The following COL23A1 variants were observed in gnomAD, a reference collection of about 807,000 sequenced individuals.
COL23A1 encodes collagen alpha-1(XXIII) chain.
COL23A1 carries 97 observed loss-of-function variants against 99.3 expected under a neutral mutation model. The observed-to-expected ratio is 0.98, with a 90% confidence interval of 0.83 to 1.16. The LOEUF is 1.16. Among genes scored for constraint, COL23A1 ranks in the 50% most tolerant of loss-of-function variants. COL23A1 has a pLI of 0.00. For synonymous variants in COL23A1, 320 were observed against 308.2 expected (o/e 1.04, Z -0.40); for missense variants, 762 against 757.4 (o/e 1.01, Z -0.07).
chr5:178,471,747 C>G (rs1400582963), intron 2 of COL23A1, among the ~76,000 whole-genome samples: 1 of 152,102 alleles, frequency 6.6e-6, no homozygotes, highest in Non-Finnish European at 1.5e-5. Context: ...ACCCATGGGC[C>G]AGGTATGTGA....
chr5:178,564,298 ACCCCACCTCTC>A (rs1191238905), intron 1 of COL23A1, among the ~76,000 whole-genome samples: 1 of 151,852 alleles, frequency 6.6e-6, no homozygotes, highest in East Asian at 1.9e-4. Flanking sequence ...TCTCTCCCGG[ACCCCACCTCTC>A]CCCCACCTCC....
In COL23A1 at chr5:178,567,442, CA is replaced by C. The variant is rs1242625101; in HGVS notation, c.295-6695del. On this transcript the variant is annotated intron_variant, in intron 1 of 28. Transcript: ENST00000390654. ...GGGTCAGGGGCACTCGTCAAAGAAA[CA>C]TAAGAACCAACCTGAAAGGCTGGGT... Among the ~76,000 whole-genome samples, 35 of 152,146 alleles carry C rather than the reference CA, an allele frequency of 2.3e-4. 1 individual carries two copies. The highest frequency in any genetic ancestry group is 8.2e-4 in the African/African-American group (34 of 41,438).
At position 178,468,063 on chromosome 5, in the gene COL23A1, T is replaced by C. The variant is rs2127922868; in HGVS notation, c.361+92619A>G. On this transcript the variant is annotated intron_variant, in intron 2 of 28. Transcript: ENST00000390654. The surrounding 1 kb of genome is among the most constrained non-coding windows in gnomAD (Gnocchi z 4.2). ...CCCACCCACGCATCACCTAACAGCC[T>C]CTGGGGCGGTGTGTTCCTTATGTTG... is the stretch of plus-strand genomic sequence containing the variant. Among the ~76,000 whole-genome samples, 1 of 152,230 alleles carries C rather than the reference T, an allele frequency of 6.6e-6. No individual in the cohort carries two copies. Among genetic ancestry groups the C allele is most frequent in the Non-Finnish European group, 1.5e-5 (1 of 68,012 alleles).
At chr5:178,583,893 T>G (rs1763784385) in intron 1 of COL23A1, among the ~76,000 whole-genome samples, 1 of 152,224 alleles carries the variant, frequency 6.6e-6, no homozygotes, top group East Asian at 1.9e-4. Flanking sequence ...TGAAACAGCC[T>G]CAGTCTGTCA....
intron 2 of COL23A1, among the ~76,000 whole-genome samples, chr5:178,526,367 A>G (rs1199455536): frequency 6.6e-6 from 1 of 152,202 alleles, no homozygotes; most frequent in Non-Finnish European, 1.5e-5. Flanking sequence ...CGGGACATGT[A>G]GCTGTGGCTG....
intron 3 of COL23A1, among the ~76,000 whole-genome samples, chr5:178,300,818 C>A (rs1757993353): frequency 6.6e-6 from 1 of 152,108 alleles, no homozygotes; most frequent in South Asian, 2.1e-4. Context: ...CCTGCCTTGG[C>A]CTCCCAAAGT....
chr5:178,458,509 C>T (rs112629402), intron 2 of COL23A1, among the ~76,000 whole-genome samples: 7,340 of 151,898 alleles, frequency 0.048, 412 homozygotes, highest in African/African-American at 0.14. Flanking sequence ...TGGTGGTGCA[C>T]GCCTATAATT....
rs866693829 is a variant in COL23A1, at chr5:178,291,813, G to C, written c.407-1444C>G. ...GGGGCTCGCACAGTAGCGATGCATAGAGGAAGGAGAGAGATGACAAGGATT... is the reference window on the plus strand; with the variant it reads ...GGGGCTCGCACAGTAGCGATGCATACAGGAAGGAGAGAGATGACAAGGATT... On this transcript the variant is annotated intron_variant, in intron 3 of 28. Coordinates refer to ENST00000390654, the MANE Select transcript of COL23A1 (RefSeq NM_173465.4). Among the ~76,000 whole-genome samples the C allele has an allele frequency of 1.4e-4, 22 of 152,158 alleles. No homozygotes were observed. The South Asian group carries it at 4.6e-3, about 32-fold the overall frequency.
chr5:178,573,858 C>CT (rs34916378), intron 1 of COL23A1, among the ~76,000 whole-genome samples: 45 of 148,876 alleles, frequency 3.0e-4, no homozygotes, highest in Admixed American at 1.8e-3. Context: ...CCATAGGGTT[C>CT]TTTTTTTTTT....
chr5:178,487,288 T>TTTTTTTTTTTTA lies in COL23A1; in HGVS notation c.361+73393_361+73394insTAAAAAAAAAAA, dbSNP rs773272887. On this transcript the variant is annotated intron_variant, in intron 2 of 28. Transcript: ENST00000390654. Reference sequence around the variant, plus strand: ...AAGGCAGTCATGGTACCAGCCTCAGTTTTATTTATTTATTTATTTATTTAT... The same window carrying TTTTTTTTTTTTA: ...AAGGCAGTCATGGTACCAGCCTCAGTTTTTTTTTTTTATTTATTTATTTATTTATTTATTTAT... 9.5e-3 allele frequency among the ~76,000 whole-genome samples: 1,101 copies of TTTTTTTTTTTTA among 116,474 alleles called. 5 individuals are homozygous for TTTTTTTTTTTTA. The highest frequency in any genetic ancestry group is 0.011 in the African/African-American group (340 of 30,888). 76.4% of individuals were successfully genotyped at this position (116,474 alleles called of 152,430 possible).
At chr5:178,343,287 G>C (rs112016956) in intron 2 of COL23A1, among the ~76,000 whole-genome samples, 89 of 150,792 alleles carry the variant, frequency 5.9e-4, no homozygotes, top group African/African-American at 2.0e-3. Context: ...GAGAAAGAGA[G>C]TGACAGGATG....
chr5:178,575,718 G>A (rs1303277966), intron 1 of COL23A1, among the ~76,000 whole-genome samples: 2 of 152,210 alleles, frequency 1.3e-5, no homozygotes, highest in Non-Finnish European at 2.9e-5. Context: ...ATTGCTGTGA[G>A]AGCAGAAACA....
chr5:178,489,945 G>T (rs62389452), intron 2 of COL23A1, among the ~76,000 whole-genome samples: 21,979 of 152,112 alleles, frequency 0.14, 1,684 homozygotes, highest in Middle Eastern at 0.21. Context: ...CTTAAAAAAG[G>T]TAGGGTGGCT....
intron 3 of COL23A1, among the ~76,000 whole-genome samples, chr5:178,291,295 G>A (rs1354748248): frequency 1.3e-5 from 2 of 152,184 alleles, no homozygotes; most frequent in Non-Finnish European, 2.9e-5. Flanking sequence ...AGCCATGGGG[G>A]TAACTAACGG....
chr5:178,397,033 C>G (rs886314104), intron 2 of COL23A1, among the ~76,000 whole-genome samples: 4 of 152,164 alleles, frequency 2.6e-5, no homozygotes, highest in Admixed American at 1.3e-4. Context: ...GTCCCCTCTG[C>G]GTGTCAGGAA....
chr5:178,421,108 G>A (rs11956401), intron 2 of COL23A1, among the ~76,000 whole-genome samples: 37,034 of 151,960 alleles, frequency 0.24, 6,714 homozygotes, highest in African/African-American at 0.51. Context: ...CTGGTCTGGG[G>A]AAAAAGGTTC....
Position 178,295,921 on chromosome 5 carries a change from G to A in COL23A1, c.407-5552C>T, listed in dbSNP as rs969809438. Among the ~76,000 whole-genome samples the A allele has an allele frequency of 2.0e-5, 3 of 152,268 alleles. No individual in the cohort carries two copies. In the East Asian group the frequency reaches 5.8e-4, roughly 29 times the overall value. On this transcript the variant is annotated intron_variant, in intron 3 of 28. Transcript: ENST00000390654. The stretch of plus-strand genomic sequence containing the variant: ...TTGTATAAACAGGACATCTCTAGGT[G>A]TGGGTGCAAGGAAGTGGTCATCAGG...
At chr5:178,256,078 G>A (rs1327464647) in intron 15 of COL23A1, among the ~76,000 whole-genome samples, 2 of 152,286 alleles carry the variant, frequency 1.3e-5, no homozygotes, top group South Asian at 2.1e-4. Context: ...AAGGAATTTA[G>A]GTGGACATGC....
chr5:178,522,883 G>A lies in COL23A1; in HGVS notation c.361+37799C>T, dbSNP rs1273906420. Among the ~76,000 whole-genome samples the A allele has an allele frequency of 2.0e-5, 3 of 151,984 alleles. No individual in the cohort carries two copies. The East Asian group carries it at 5.8e-4, about 29-fold the overall frequency. ...TAAGAAGATCCACCTTGATGCTATG[G>A]ACCCCAAGCGTGGCTTTATGGTACA... On this transcript the variant is annotated intron_variant, in intron 2 of 28. Transcript: ENST00000390654.
Sources: allele counts gnomAD v4.1 joint callset (sites outside exome capture counted in the v4.1 genomes callset), GRCh38; gene constraint gnomAD v4.1.1; non-coding constraint Gnocchi (gnomAD v3.1); transcripts MANE v1.5; gene names NCBI Gene and HGNC (gene_info 2026-07-23, HGNC 2026-07-21).